The following CTNNA3 variants were observed in gnomAD, a reference collection of about 807,000 sequenced individuals.
The protein encoded by CTNNA3 is catenin alpha-3.
CTNNA3 carries 76 observed loss-of-function variants against 95.7 expected under a neutral mutation model. The observed-to-expected ratio is 0.79, with a 90% CI of 0.66 to 0.96. CTNNA3 has a LOEUF of 0.96. Among genes scored for constraint, CTNNA3 ranks in the 40% least tolerant of loss-of-function variants. The pLI, the probability that CTNNA3 is intolerant of heterozygous loss-of-function variation, is 0.00. For missense variants in CTNNA3, 1,191 were observed against 1,089.8 expected (o/e 1.09, Z -1.31); for synonymous variants, 431 against 374.4 (o/e 1.15, Z -1.74).
At position 66,114,063 on chromosome 10, in the gene CTNNA3, T is replaced by A. The variant is rs138499598; in HGVS notation, c.1885-10814A>T. ...CACACCCTGACCTTCAACTCTTATG[T>A]CTGAATGTCGGATCAAAAATCAGAA... is the stretch of plus-strand genomic sequence containing the variant. On this transcript the variant is annotated intron_variant, in intron 13 of 17. Transcript: ENST00000433211. Among the ~76,000 whole-genome samples the A allele has an allele frequency of 2.9e-3, 446 of 152,264 alleles. 1 individual carries two copies. Among genetic ancestry groups the A allele is most frequent in the Non-Finnish European group, 5.4e-3 (365 of 68,012 alleles).
intron 7 of CTNNA3, among the ~76,000 whole-genome samples, chr10:67,034,429 A>G (rs946338077): frequency 1.2e-4 from 19 of 152,048 alleles, no homozygotes; most frequent in African/African-American, 4.1e-4. Flanking sequence ...CAATACTTCT[A>G]TGTTGGTTTA....
At position 65,997,023 on chromosome 10, in the gene CTNNA3, G is replaced by T. The variant is rs10996817; in HGVS notation, c.2160-8226C>A. Among the ~76,000 whole-genome samples, 7 of 151,706 alleles carry T rather than the reference G, an allele frequency of 4.6e-5. No homozygotes were observed. In the East Asian group the frequency reaches 1.2e-3, roughly 25 times the overall value. On this transcript the variant is annotated intron_variant, in intron 15 of 17. Coordinates refer to ENST00000433211, the MANE Select transcript of CTNNA3 (RefSeq NM_013266.4). ...TTTTTACAGTCTTTCCATTAATTGT[G>T]TTTTTTTTAATCCCATTATCTATTC...
At chr10:67,411,537 C>T (rs907604022) in intron 5 of CTNNA3, among the ~76,000 whole-genome samples, 3 of 152,026 alleles carry the variant, frequency 2.0e-5, no homozygotes, top group African/African-American at 7.2e-5. Flanking sequence ...TTGTCCACAA[C>T]TGAGAAGAAT....
chr10:66,399,831 G>T (rs879597891), intron 11 of CTNNA3, among the ~76,000 whole-genome samples: 5 of 151,754 alleles, frequency 3.3e-5, no homozygotes, highest in Admixed American at 1.3e-4. Context: ...TTGCTGTCAG[G>T]TGCCAAGAAA....
chr10:67,102,347 A>AACAC (rs113804283), intron 7 of CTNNA3, among the ~76,000 whole-genome samples: 17,882 of 151,054 alleles, frequency 0.12, 1,326 homozygotes, highest in African/African-American at 0.21. Context: ...AAACCAAGCA[A>AACAC]ACACACACAC....
chr10:67,247,645 T>C (rs1319031405), intron 5 of CTNNA3, among the ~76,000 whole-genome samples: 1 of 152,050 alleles, frequency 6.6e-6, no homozygotes, highest in Non-Finnish European at 1.5e-5. Context: ...AGATCCTAAA[T>C]GCAAAAATGA....
At chr10:66,266,058 G>A (rs1366389763) in intron 13 of CTNNA3, among the ~76,000 whole-genome samples, 1 of 148,210 alleles carries the variant, frequency 6.7e-6, no homozygotes, top group Non-Finnish European at 1.5e-5. Context: ...AGGGAGGGAG[G>A]AAAAGAAGGG....
intron 9 of CTNNA3, among the ~76,000 whole-genome samples, chr10:66,757,771 T>C (rs1034921165): frequency 3.9e-5 from 6 of 152,208 alleles, no homozygotes; most frequent in African/African-American, 1.2e-4. Flanking sequence ...TACTTTTAAA[T>C]TTATTATGCT....
intron 5 of CTNNA3, among the ~76,000 whole-genome samples, chr10:67,387,470 G>A (rs1054945430): frequency 1.3e-5 from 2 of 152,334 alleles, no homozygotes; most frequent in Admixed American, 1.3e-4. Flanking sequence ...CAAGGCAGCA[G>A]CGAGGCTGGG....
At chr10:67,552,075 G>T (rs1443293777) in intron 3 of CTNNA3, among the ~76,000 whole-genome samples, 1 of 152,186 alleles carries the variant, frequency 6.6e-6, no homozygotes, top group Non-Finnish European at 1.5e-5. Context: ...TAAAACAGGA[G>T]ATCTCATTGA....
intron 13 of CTNNA3, among the ~76,000 whole-genome samples, chr10:66,147,307 T>C (rs1297539574): frequency 6.6e-6 from 1 of 152,160 alleles, no homozygotes; most frequent in East Asian, 1.9e-4. Context: ...AAAGTTTCTA[T>C]TAGATTTTTA....
At chr10:66,932,488 T>A (rs1847459315) in intron 7 of CTNNA3, among the ~76,000 whole-genome samples, 2 of 152,144 alleles carry the variant, frequency 1.3e-5, no homozygotes, top group South Asian at 4.1e-4. Flanking sequence ...TTGCTCTGGA[T>A]TCTCATTAGA....
intron 7 of CTNNA3, among the ~76,000 whole-genome samples, chr10:66,929,945 G>A (rs950186676): frequency 6.6e-6 from 1 of 152,142 alleles, no homozygotes; most frequent in Non-Finnish European, 1.5e-5. Flanking sequence ...CAACATTGAG[G>A]CTGTTTCATT....
intron 11 of CTNNA3, among the ~76,000 whole-genome samples, chr10:66,416,303 T>C (rs2093145459): frequency 1.3e-5 from 2 of 151,720 alleles, no homozygotes; most frequent in African/African-American, 2.4e-5. Context: ...CTTAATGATA[T>C]ATGGGACAGA....
At chr10:67,704,397 C>A (rs1266868687) in intron 1 of CTNNA3, among the ~76,000 whole-genome samples, 11 of 152,160 alleles carry the variant, frequency 7.2e-5, no homozygotes, top group Admixed American at 2.6e-4. Flanking sequence ...CTACAGTAAC[C>A]AAAACAGCAT....
rs1477830086 is a variant in CTNNA3, at chr10:67,219,686, G to A, written c.764C>T (p.Ala255Val). 6.2e-6 allele frequency: 10 copies of A among 1,613,994 alleles called. No homozygotes were observed. The highest frequency in any genetic ancestry group is 2.2e-5 in the East Asian group (1 of 44,880). Residue 255 changes from alanine to valine, a missense_variant, in exon 6 of 18, where the codon GCT becomes GTT. By Grantham distance (64) the Ala-to-Val change is moderately conservative. Coordinates refer to ENST00000433211, the MANE Select transcript of CTNNA3 (RefSeq NM_013266.4). Reference sequence around the variant, plus strand: ...TGTCATATTCTGGATCCCTTGTGAAGCATTTGAAATTACATTGAGAGCATT... The same window carrying A: ...TGTCATATTCTGGATCCCTTGTGAAACATTTGAAATTACATTGAGAGCATT... ...IQNALNVISN[A>V]SQGIQNMTTP... is the part of the protein sequence containing the mutation.
At chr10:66,328,631 G>C (rs1685452589) in intron 12 of CTNNA3, among the ~76,000 whole-genome samples, 1 of 151,524 alleles carries the variant, frequency 6.6e-6, no homozygotes, top group Non-Finnish European at 1.5e-5. Flanking sequence ...TATTACTCAG[G>C]TTCTCCATAG....
In CTNNA3 at chr10:66,069,484, C is replaced by A. The variant is rs1469349753; in HGVS notation, c.1983G>T (p.Lys661Asn). 6.2e-7 allele frequency: 1 copy of A among 1,608,616 alleles called. No individual in the cohort carries two copies. Among genetic ancestry groups the A allele is most frequent in the Non-Finnish European group, 8.5e-7 (1 of 1,178,032 alleles). Residue 661 changes from lysine (K) to asparagine (N), a missense_variant, in exon 15 of 18, where the codon AAG becomes AAT. Lys to Asn is a moderately conservative substitution (Grantham distance 94). Coordinates refer to ENST00000433211, the MANE Select transcript of CTNNA3 (RefSeq NM_013266.4). ...TTTCTGCCTCAGGCAGTTGAGTCAT[C>A]TTAGCCTAAAACATGTGATAATTAG... ...IQTEGKTDRA[K>N]MTQLPEAEKE...
chr10:66,831,949 A>G (rs1177555430), intron 7 of CTNNA3, among the ~76,000 whole-genome samples: 7 of 152,212 alleles, frequency 4.6e-5, no homozygotes, highest in Non-Finnish European at 1.0e-4. Context: ...ATTCAATTGT[A>G]TGGAATATAG....
Sources: allele counts gnomAD v4.1 joint callset (sites outside exome capture counted in the v4.1 genomes callset), GRCh38; gene constraint gnomAD v4.1.1; transcripts MANE v1.5; gene names NCBI Gene and HGNC (gene_info 2026-07-23, HGNC 2026-07-21).